The following CDK14 variants were observed in gnomAD, a reference collection of about 807,000 sequenced individuals.
CDK14 encodes cyclin dependent kinase 14, also known as cyclin-dependent kinase 14.
CDK14 carries 34 observed loss-of-function variants against 60.7 expected under a neutral mutation model. The ratio of observed to expected loss-of-function variants is 0.56; its 90% CI spans 0.43 to 0.75. The LOEUF (loss-of-function observed/expected upper bound fraction) is 0.75. Ranked by LOEUF, CDK14 falls within the 30% of genes least tolerant of loss-of-function variation. CDK14 has a pLI of 0.00. For missense variants in CDK14, 482 were observed against 564.1 expected (o/e 0.85, Z 1.47); for synonymous variants, 197 against 203.7 (o/e 0.97, Z 0.28).
chr7:91,054,112 A>G (rs372596011), intron 11 of CDK14, among the ~76,000 whole-genome samples: 5 of 13,108 alleles, frequency 3.8e-4, no homozygotes, highest in South Asian at 2.3e-3. Context: ...TTTTTTTTTT[A>G]CCATTTATAT....
intron 14 of CDK14, among the ~76,000 whole-genome samples, chr7:91,147,379 T>A (rs1800687435): frequency 6.6e-6 from 1 of 152,156 alleles, no homozygotes. Flanking sequence ...AACACTTCTC[T>A]GATGGAAAAT....
At chr7:91,197,072 A>G (rs186668726) in intron 14 of CDK14, among the ~76,000 whole-genome samples, 1 of 152,186 alleles carries the variant, frequency 6.6e-6, no homozygotes, top group East Asian at 1.9e-4. Context: ...TCCATTTTGC[A>G]CTGCCCCCAC....
intron 5 of CDK14, among the ~76,000 whole-genome samples, chr7:90,817,242 G>A (rs1228384613): frequency 2.0e-5 from 3 of 152,128 alleles, no homozygotes; most frequent in African/African-American, 7.2e-5. Context: ...AGAATTAAGG[G>A]AAATTTTAGT....
chr7:90,865,621 C>T lies in CDK14; in HGVS notation c.639+2352C>T, dbSNP rs551633671. ...TTAGTGAGCGGCATAAGGTAGGAAA[C>T]AGGAGGGCACTGTGGGCTTGGGATG... On this transcript the variant is annotated intron_variant, in intron 6 of 14. Coordinates refer to ENST00000380050, the MANE Select transcript of CDK14 (RefSeq NM_001287135.2). Among the ~76,000 whole-genome samples, 82 of 152,214 alleles carry T rather than the reference C, an allele frequency of 5.4e-4. 1 individual carries two copies. Among genetic ancestry groups the T allele is most frequent in the Non-Finnish European group, 1.0e-3 (71 of 67,990 alleles).
intron 6 of CDK14, among the ~76,000 whole-genome samples, chr7:90,879,283 GT>G (rs1352797066): frequency 3.9e-5 from 6 of 152,204 alleles, no homozygotes; most frequent in African/African-American, 1.2e-4. Context: ...AACATATGCT[GT>G]TTTTTTAACC....
At chr7:90,892,121 C>T (rs1014304829) in intron 6 of CDK14, among the ~76,000 whole-genome samples, 3 of 152,180 alleles carry the variant, frequency 2.0e-5, no homozygotes, top group Non-Finnish European at 2.9e-5. Flanking sequence ...AGATAGCTTT[C>T]TTACCAGTGG....
chr7:91,129,901 A>C (rs1800066429), intron 14 of CDK14, among the ~76,000 whole-genome samples: 1 of 152,152 alleles, frequency 6.6e-6, no homozygotes, highest in African/African-American at 2.4e-5. Context: ...CAAATGATCA[A>C]TGCATGTTAG....
In CDK14 at chr7:90,880,089, G is replaced by A. The variant is rs558868030; in HGVS notation, c.639+16820G>A. ...GCCTATCAGACTCCCATGGGGAGAT[G>A]CGATCAGCATTGGCTGCAGCTGCCT... is the stretch of plus-strand genomic sequence containing the variant. On this transcript the variant is annotated intron_variant, in intron 6 of 14. Transcript: ENST00000380050. Among the ~76,000 whole-genome samples the A allele has an allele frequency of 4.6e-5, 7 of 152,360 alleles. No individual in the cohort carries two copies. In the South Asian group the frequency reaches 1.4e-3, roughly 32 times the overall value.
At chr7:91,078,307 T>C (rs1273915139) in intron 11 of CDK14, among the ~76,000 whole-genome samples, 2 of 152,148 alleles carry the variant, frequency 1.3e-5, no homozygotes, top group African/African-American at 4.8e-5. Context: ...GTTATACGAT[T>C]TTAAAACAAT....
At chr7:90,640,115 C>T (rs371960386) in intron 2 of CDK14, among the ~76,000 whole-genome samples, 7 of 152,100 alleles carry the variant, frequency 4.6e-5, no homozygotes, top group East Asian at 2.0e-4. Context: ...GCGCACGGTG[C>T]GCTGCACCCA....
intron 2 of CDK14, among the ~76,000 whole-genome samples, chr7:90,633,904 T>C (rs183428075): frequency 1.0e-3 from 153 of 152,312 alleles, no homozygotes; most frequent in Admixed American, 5.9e-3. Flanking sequence ...TTGGAGACTT[T>C]AGTCGGCAGA....
At chr7:90,899,199 C>G in intron 6 of CDK14, 92 bp from the exon 7 acceptor site, 1 of 1,006,566 alleles carries the variant, frequency 9.9e-7, no homozygotes, top group South Asian at 1.6e-5. Context: ...TTGCTCTGTT[C>G]AGAAGGTAAT....
intron 14 of CDK14, among the ~76,000 whole-genome samples, chr7:91,156,079 T>TAA (rs1800973513): frequency 6.6e-6 from 1 of 152,232 alleles, no homozygotes; most frequent in Non-Finnish European, 1.5e-5. Context: ...CCTAGCTTGT[T>TAA]GGCACTCATT....
intron 5 of CDK14, among the ~76,000 whole-genome samples, chr7:90,820,182 C>A (rs1789495098): frequency 6.6e-6 from 1 of 152,100 alleles, no homozygotes; most frequent in South Asian, 2.1e-4. Flanking sequence ...AACTGGGCAT[C>A]CTGTATTTTT....
At chr7:91,114,697 C>G (rs1326068119) in intron 13 of CDK14, among the ~76,000 whole-genome samples, 2 of 152,080 alleles carry the variant, frequency 1.3e-5, no homozygotes, top group Non-Finnish European at 2.9e-5. Flanking sequence ...TACTAAATGC[C>G]TCCGGTAACA....
In CDK14 at chr7:90,831,307, G is replaced by A. The variant is rs187003689; in HGVS notation, c.545-31868G>A. Among the ~76,000 whole-genome samples the A allele has an allele frequency of 7.2e-5, 11 of 152,266 alleles. No homozygotes were observed. The South Asian group carries it at 8.3e-4, about 11-fold the overall frequency. ...GAAGGGGAAGCACGACACATCTTAC[G>A]TGGTGGGAGGAGAGAGAGAGAACGA... is the stretch of plus-strand genomic sequence containing the variant. On this transcript the variant is annotated intron_variant, in intron 5 of 14. Transcript: ENST00000380050.
chr7:91,022,011 G>C (rs1416771950), intron 10 of CDK14, among the ~76,000 whole-genome samples: 3 of 152,146 alleles, frequency 2.0e-5, no homozygotes, highest in African/African-American at 7.2e-5. Flanking sequence ...CCACAAAGAG[G>C]GGGCCTGACA....
At chr7:90,948,072 A>C (rs998654425) in intron 8 of CDK14, among the ~76,000 whole-genome samples, 2 of 152,218 alleles carry the variant, frequency 1.3e-5, no homozygotes, top group African/African-American at 4.8e-5. Flanking sequence ...AGTTCTGAAT[A>C]TTATGCCTTG....
At chr7:90,990,679 G>A (rs1584205470) in intron 10 of CDK14, among the ~76,000 whole-genome samples, 1 of 151,898 alleles carries the variant, frequency 6.6e-6, no homozygotes, top group Non-Finnish European at 1.5e-5. Context: ...ATGGTTTTGT[G>A]TTTAGCTTCT....
Sources: gnomAD v4.1 joint callset for allele counts (sites outside exome capture counted in the v4.1 genomes callset) on GRCh38, gnomAD v4.1.1 for gene constraint, MANE v1.5 for transcripts, NCBI Gene and HGNC (gene_info 2026-07-23, HGNC 2026-07-21) for gene names.